The following SIM1 variants were observed in gnomAD, a reference collection of about 807,000 sequenced individuals.
SIM1 encodes the protein single-minded homolog 1.
In SIM1, 18 loss-of-function variants were observed where a neutral mutation model predicts 78.2. That is an observed-to-expected ratio of 0.23 (90% CI 0.16 to 0.34). The LOEUF is 0.34. SIM1 is among the 10% of genes least tolerant of loss of function. SIM1 has a pLI of 1.00. For synonymous variants in SIM1, 417 were observed against 385.2 expected, an observed-to-expected ratio of 1.08 and a Z score of -0.97; for missense variants, 939 against 975.1, an observed-to-expected ratio of 0.96 and a Z score of 0.49.
At chr6:100,427,500 C>T (rs1233797228) in intron 9 of SIM1, among the ~76,000 whole-genome samples, 1 of 152,158 alleles carries the variant, frequency 6.6e-6, no homozygotes, top group Non-Finnish European at 1.5e-5. Flanking sequence ...GGTTCAGACA[C>T]AAAGTTTGCT....
chr6:100,412,738 AGAAAGAAAG>A (rs1771281416), intron 10 of SIM1, among the ~76,000 whole-genome samples: 1 of 144,060 alleles, frequency 6.9e-6, no homozygotes, highest in South Asian at 2.2e-4. Context: ...AAAGAAAGAA[AGAAAGAAAG>A]AAAGAAAAAA....
At chr6:100,451,127 G>A (rs1023188607) in intron 3 of SIM1, among the ~76,000 whole-genome samples, 1 of 152,210 alleles carries the variant, frequency 6.6e-6, no homozygotes, top group African/African-American at 2.4e-5. Context: ...TCCAACAGGA[G>A]CAACTGGCCT....
rs903268344 is a variant in SIM1, at chr6:100,449,634, C to A, written c.414G>T (p.Ala138=). 7 of 1,614,048 alleles carry A rather than the reference C, an allele frequency of 4.3e-6. No individual in the cohort carries two copies. Among genetic ancestry groups the A allele is most frequent in the Admixed American group, 1.7e-5 (1 of 60,008 alleles). The change falls in exon 5 of 12, where the codon GCG becomes GCT. Residue 138 remains alanine, a synonymous_variant. Transcript: ENST00000369208. ...IHPADHDEMT[A]VLTAHQPYHS... is the part of the protein sequence containing the mutation. ...GGTAGGGTTGATGGGCGGTGAGCAC[C>A]GCCGTCATCTCGTCGTGGTCTGCCG... is the stretch of plus-strand genomic sequence containing the variant.
At chr6:100,412,599 G>GAA (rs1272939572) in intron 10 of SIM1, among the ~76,000 whole-genome samples, 23 of 86,536 alleles carry the variant, frequency 2.7e-4, no homozygotes, top group African/African-American at 8.8e-4. Flanking sequence ...AAGAAAGAAA[G>GAA]AAAGAAAGAA....
intron 10 of SIM1, among the ~76,000 whole-genome samples, chr6:100,401,232 T>C (rs1329937437): frequency 6.6e-6 from 1 of 152,012 alleles, no homozygotes. Context: ...GCTGTGTTCT[T>C]CAAAAATGCC....
intron 9 of SIM1, among the ~76,000 whole-genome samples, chr6:100,435,458 C>A (rs71566342): frequency 0.058 from 8,831 of 152,168 alleles, 342 homozygotes; most frequent in Middle Eastern, 0.12. Context: ...TTGGCTGAGT[C>A]ACTTAGCTTC....
chr6:100,432,165 T>G (rs1174871993), intron 9 of SIM1, among the ~76,000 whole-genome samples: 2 of 152,008 alleles, frequency 1.3e-5, no homozygotes, highest in Non-Finnish European at 2.9e-5. Context: ...GAGAGAGAGA[T>G]AATAGTGTAT....
intron 10 of SIM1, among the ~76,000 whole-genome samples, chr6:100,402,565 CTCTTTTTTT>C (rs1770943181): frequency 9.4e-6 from 1 of 106,174 alleles, no homozygotes; most frequent in Admixed American, 1.1e-4. Flanking sequence ...CTTTTCTTTT[CTCTTTTTTT>C]TTTTTTTTTT....
intron 9 of SIM1, among the ~76,000 whole-genome samples, chr6:100,421,811 A>T (rs1427507914): frequency 1.3e-5 from 2 of 152,200 alleles, no homozygotes; most frequent in African/African-American, 4.8e-5. Flanking sequence ...AGTTTTCATA[A>T]GAGGATATTA....
In SIM1 at chr6:100,389,813, G is replaced by A; in HGVS notation, c.*548C>T. The A allele has an allele frequency of 2.5e-6, 1 of 398,694 alleles. No homozygotes were observed. The highest frequency in any genetic ancestry group is 4.4e-6 in the Non-Finnish European group (1 of 226,136). The allele number at this position is 398,694 out of a possible 1,614,324, so 24.7% of individuals were successfully genotyped here. ...ATTTATGCCTGAACCAAATGAGCTG[G>A]CTGATTTGAAACCACAAAGAAGTCA... is the stretch of plus-strand genomic sequence containing the variant. On this transcript the variant is annotated 3_prime_UTR_variant, in exon 12 of 12. Coordinates refer to ENST00000369208, the MANE Select transcript of SIM1 (RefSeq NM_005068.3).
chr6:100,463,249 C>CGG (rs1340606535), intron 2 of SIM1, 45 bp downstream of exon 2: 1 of 1,538,048 alleles, frequency 6.5e-7, no homozygotes, highest in South Asian at 1.2e-5. Context: ...GGCAAATCCC[C>CGG]GGCCCCTTCT....
chr6:100,400,288 T>A (rs1338896279), intron 10 of SIM1, among the ~76,000 whole-genome samples: 8 of 151,900 alleles, frequency 5.3e-5, no homozygotes, highest in Non-Finnish European at 1.0e-4. Context: ...TCACTTCACA[T>A]ACTGATAATA....
At chr6:100,392,945 T>C (rs1770676901) in intron 11 of SIM1, among the ~76,000 whole-genome samples, 1 of 152,230 alleles carries the variant, frequency 6.6e-6, no homozygotes. Flanking sequence ...TATTGCTTCA[T>C]CCTTCACTCA....
chr6:100,461,732 G>A (rs1465612139), intron 2 of SIM1, among the ~76,000 whole-genome samples: 1 of 152,044 alleles, frequency 6.6e-6, no homozygotes, highest in Non-Finnish European at 1.5e-5. Context: ...AGGCAGTGTG[G>A]TATAATGGTA....
chr6:100,459,266 A>T (rs1772774385), intron 2 of SIM1, among the ~76,000 whole-genome samples: 1 of 152,172 alleles, frequency 6.6e-6, no homozygotes, highest in African/African-American at 2.4e-5. Context: ...TAAAGAAAAA[A>T]GTATTTTTTT....
At chr6:100,392,465 T>A (rs888554975) in intron 11 of SIM1, among the ~76,000 whole-genome samples, 3 of 152,246 alleles carry the variant, frequency 2.0e-5, no homozygotes, top group Admixed American at 2.0e-4. Context: ...TCCTGTAGGT[T>A]AAGCCAGGAT....
intron 10 of SIM1, among the ~76,000 whole-genome samples, chr6:100,402,884 C>T (rs1770961957): frequency 6.6e-6 from 1 of 152,132 alleles, no homozygotes; most frequent in Admixed American, 6.5e-5. Context: ...CCGGTATTGA[C>T]TGTTTTCAAG....
intron 10 of SIM1, among the ~76,000 whole-genome samples, chr6:100,402,833 C>T (rs1770959903): frequency 6.6e-6 from 1 of 152,098 alleles, no homozygotes; most frequent in Non-Finnish European, 1.5e-5. Flanking sequence ...GCCTCGGCCT[C>T]CCAAAGTGCT....
At position 100,463,525 on chromosome 6, in the gene SIM1, C is replaced by T. The variant is rs907512866; in HGVS notation, c.-57G>A. ...TAAGCTCCGCAGATTCATCCAAAAC[C>T]AAAAATAAACTTTCAATTAGAGATC... On this transcript the variant is annotated 5_prime_UTR_variant, in exon 2 of 12. Transcript: ENST00000369208. 6.8e-7 allele frequency: 1 copy of T among 1,475,996 alleles called. No individual in the cohort carries two copies. Among genetic ancestry groups the T allele is most frequent in the Non-Finnish European group, 9.2e-7 (1 of 1,088,046 alleles). The allele number at this position is 1,475,996 out of a possible 1,614,324, so 91.4% of individuals were successfully genotyped here.
Sources: gnomAD v4.1 joint callset for allele counts (sites outside exome capture counted in the v4.1 genomes callset) on GRCh38, gnomAD v4.1.1 for gene constraint, MANE v1.5 for transcripts, NCBI Gene and HGNC (gene_info 2026-07-23, HGNC 2026-07-21) for gene names.